The following ITPR1 variants were observed in gnomAD, a reference collection of about 807,000 sequenced individuals.
ITPR1 encodes inositol 1,4,5-trisphosphate-gated calcium channel ITPR1.
Under a neutral mutation model 318.4 loss-of-function variants are expected in ITPR1, and 96 were observed. The ratio of observed to expected loss-of-function variants is 0.30; its 90% CI spans 0.26 to 0.36. The LOEUF is 0.36. ITPR1 is among the 10% of genes least tolerant of loss of function. The pLI is 1.00. For synonymous variants in ITPR1, 1,312 were observed against 1,289.9 expected (o/e 1.02, Z -0.37); for missense variants, 2,440 against 3,460.2 (o/e 0.71, Z 7.40).
intron 33 of ITPR1, among the ~76,000 whole-genome samples, chr3:4,696,288 CT>C (rs1559716464): frequency 2.6e-5 from 4 of 152,200 alleles, no homozygotes; most frequent in African/African-American, 9.6e-5. Context: ...GCCAACCCCC[CT>C]AATCCTAGGC....
chr3:4,528,238 T>C (rs1286110837), intron 4 of ITPR1, among the ~76,000 whole-genome samples: 1 of 152,240 alleles, frequency 6.6e-6, no homozygotes, highest in East Asian at 1.9e-4. Context: ...GAAACTTTGC[T>C]ATTAGTGGCG....
chr3:4,670,061 G>T (rs547081871), intron 19 of ITPR1, among the ~76,000 whole-genome samples: 1 of 152,300 alleles, frequency 6.6e-6, no homozygotes, highest in East Asian at 1.9e-4. Flanking sequence ...AAAACTCTTT[G>T]TAAGTGTGAC....
intron 15 of ITPR1, 96 bp downstream of exon 15, chr3:4,662,338 T>A: frequency 9.0e-7 from 1 of 1,111,612 alleles, no homozygotes; most frequent in Non-Finnish European, 1.2e-6. Flanking sequence ...TCTGAACAGC[T>A]AAACATGGGG....
rs1334005167 is a variant in ITPR1 at position 4,742,636 on chromosome 3, T to TA, written c.5544+7282_5544+7283insA. Among the ~76,000 whole-genome samples the TA allele has an allele frequency of 2.0e-5, 3 of 152,290 alleles. No individual in the cohort carries two copies. In the East Asian group the frequency reaches 5.8e-4, roughly 29 times the overall value. ...TCTTATTTTTATTTGTTCATATATA[T>TA]TTTTAAGAGATAGGGTCTTGCTATG... On this transcript the variant is annotated intron_variant, in intron 44 of 61. Coordinates refer to ENST00000649015, the MANE Select transcript of ITPR1 (RefSeq NM_001378452.1).
chr3:4,684,641 G>C (rs2094358899), intron 29 of ITPR1, among the ~76,000 whole-genome samples: 1 of 152,228 alleles, frequency 6.6e-6, no homozygotes, highest in Admixed American at 6.5e-5. Flanking sequence ...GACTAATTGA[G>C]AATACTGTCA....
At chr3:4,646,056 T>G in intron 10 of ITPR1, 2 of 260,262 alleles carry the variant, frequency 7.7e-6, no homozygotes, top group East Asian at 8.1e-5. Flanking sequence ...AAATTAGAAA[T>G]AGCTTTCTCT....
At chr3:4,577,826 G>A (rs1161193904) in intron 4 of ITPR1, among the ~76,000 whole-genome samples, 1 of 152,204 alleles carries the variant, frequency 6.6e-6, no homozygotes, top group Non-Finnish European at 1.5e-5. Flanking sequence ...TGTGACAAAC[G>A]TGATAAAGGA....
chr3:4,678,546 G>A (rs2094231221), intron 24 of ITPR1, among the ~76,000 whole-genome samples: 1 of 152,110 alleles, frequency 6.6e-6, no homozygotes, highest in South Asian at 2.1e-4. Flanking sequence ...ATTCGAACAG[G>A]GGCTCCATCC....
chr3:4,839,718 T>G (rs1470927680), intron 61 of ITPR1, among the ~76,000 whole-genome samples: 1 of 152,234 alleles, frequency 6.6e-6, no homozygotes, highest in African/African-American at 2.4e-5. Context: ...GCCAAAGTTT[T>G]AGTTTAAACA....
At chr3:4,789,601 GTTTTTGTT>G (rs138268766) in intron 52 of ITPR1, among the ~76,000 whole-genome samples, 1 of 136,726 alleles carries the variant, frequency 7.3e-6, no homozygotes, top group South Asian at 2.1e-4. Flanking sequence ...GAGGTGTTTT[GTTTTTGTT>G]TTTGTTTTTG....
chr3:4,636,494 T>G (rs949656631), intron 5 of ITPR1, among the ~76,000 whole-genome samples: 3 of 152,240 alleles, frequency 2.0e-5, no homozygotes, highest in Non-Finnish European at 4.4e-5. Flanking sequence ...AGTGGTACTA[T>G]CTCAGCTCTT....
intron 4 of ITPR1, among the ~76,000 whole-genome samples, chr3:4,523,768 G>A (rs2082748720): frequency 6.6e-6 from 1 of 152,170 alleles, no homozygotes; most frequent in South Asian, 2.1e-4. Flanking sequence ...TTGAATACAG[G>A]GTTAGAATGT....
chr3:4,573,806 C>A (rs1388539960), intron 4 of ITPR1, among the ~76,000 whole-genome samples: 1 of 152,218 alleles, frequency 6.6e-6, no homozygotes, highest in Non-Finnish European at 1.5e-5. Flanking sequence ...TATTCTCTTA[C>A]CGTACTTTCT....
chr3:4,752,878 G>A (rs946067963), intron 44 of ITPR1, among the ~76,000 whole-genome samples: 13 of 152,194 alleles, frequency 8.5e-5, no homozygotes, highest in African/African-American at 3.1e-4. Flanking sequence ...AGTCAGGGAT[G>A]AGACCAACAT....
intron 12 of ITPR1, among the ~76,000 whole-genome samples, chr3:4,655,978 A>G (rs994876429): frequency 6.6e-6 from 1 of 152,086 alleles, no homozygotes; most frequent in African/African-American, 2.4e-5. Context: ...TTTTGAGTTG[A>G]TTGGTTTCCC....
At chr3:4,683,892 G>A in intron 28 of ITPR1, 94 bp downstream of exon 28, 1 of 1,136,728 alleles carries the variant, frequency 8.8e-7, no homozygotes. Context: ...AAATGTGATA[G>A]GATTTATTTT....
chr3:4,514,181 T>G (rs778761828), intron 2 of ITPR1, among the ~76,000 whole-genome samples: 1 of 152,160 alleles, frequency 6.6e-6, no homozygotes, highest in Non-Finnish European at 1.5e-5. Context: ...CCTCTCTGTA[T>G]TACACCTCAG....
chr3:4,697,701 C>T (rs2094582950), intron 34 of ITPR1, among the ~76,000 whole-genome samples: 1 of 152,186 alleles, frequency 6.6e-6, no homozygotes, highest in Non-Finnish European at 1.5e-5. Context: ...ATCTGCCCAC[C>T]TCAGCCTCCC....
intron 55 of ITPR1, among the ~76,000 whole-genome samples, chr3:4,806,952 A>G (rs2048592038): frequency 6.6e-6 from 1 of 152,178 alleles, no homozygotes; most frequent in Non-Finnish European, 1.5e-5. Context: ...GTGCCTACAT[A>G]AAATGACAGG....
Sources: gnomAD v4.1 joint callset for allele counts (sites outside exome capture counted in the v4.1 genomes callset) on GRCh38, gnomAD v4.1.1 for gene constraint, MANE v1.5 for transcripts, NCBI Gene and HGNC (gene_info 2026-07-23, HGNC 2026-07-21) for gene names.